Variants in RBFOX1 observed in about 807,000 individuals in gnomAD.
The protein encoded by RBFOX1 is RNA binding fox-1 homolog 1.
Under a neutral mutation model 57.7 loss-of-function variants are expected in RBFOX1, and 8 were observed. The ratio of observed to expected loss-of-function variants is 0.14; its 90% CI spans 0.08 to 0.25. RBFOX1 has a LOEUF of 0.25. Ranked by LOEUF, RBFOX1 falls within the 10% of genes least tolerant of loss-of-function variation. RBFOX1 has a pLI of 1.00. For missense variants in RBFOX1, 611 were observed against 548.5 expected, an observed-to-expected ratio of 1.11 and a Z score of -1.14; for synonymous variants, 326 against 222.4, an observed-to-expected ratio of 1.47 and a Z score of -4.15.
chr16:7,158,343 C>T (rs768909227), intron 4 of RBFOX1, among the ~76,000 whole-genome samples: 37 of 151,984 alleles, frequency 2.4e-4, no homozygotes, highest in Non-Finnish European at 4.3e-4. Context: ...TGAACTCTGT[C>T]TCAAAAGAAA....
intron 3 of RBFOX1, among the ~76,000 whole-genome samples, chr16:5,843,543 C>G (rs1161912392): frequency 1.3e-5 from 2 of 152,144 alleles, no homozygotes; most frequent in African/African-American, 4.8e-5. Context: ...TCTTTGTCTA[C>G]TCTGCCATTA....
chr16:7,604,468 C>T (rs2095200456), intron 9 of RBFOX1, among the ~76,000 whole-genome samples: 1 of 152,194 alleles, frequency 6.6e-6, no homozygotes, highest in South Asian at 2.1e-4. Flanking sequence ...TGAGATAGCA[C>T]AGATCTCCTG....
At chr16:6,603,219 G>C (rs12929223) in intron 2 of RBFOX1, among the ~76,000 whole-genome samples, 10,593 of 152,120 alleles carry the variant, frequency 0.07, 518 homozygotes, top group Non-Finnish European at 0.097. Context: ...CTTGTCTCAG[G>C]GCCAAGTATA....
chr16:5,583,178 C>A (rs1367089594), intron 2 of RBFOX1, among the ~76,000 whole-genome samples: 2 of 152,160 alleles, frequency 1.3e-5, no homozygotes, highest in Non-Finnish European at 2.9e-5. Context: ...ATGCCATGCG[C>A]AGCAAAAGCC....
At chr16:7,117,389 G>T (rs1278129988) in intron 4 of RBFOX1, among the ~76,000 whole-genome samples, 3 of 152,136 alleles carry the variant, frequency 2.0e-5, no homozygotes, top group South Asian at 2.1e-4. Context: ...GGATGTGAAG[G>T]GAAGCAACAT....
At chr16:7,204,300 C>G (rs1050189053) in intron 4 of RBFOX1, among the ~76,000 whole-genome samples, 16 of 152,174 alleles carry the variant, frequency 1.1e-4, no homozygotes, top group Admixed American at 8.5e-4. Flanking sequence ...CCATTTTAAT[C>G]TGAGGGAGGA....
intron 2 of RBFOX1, among the ~76,000 whole-genome samples, chr16:6,331,105 G>C (rs1033265499): frequency 3.9e-5 from 6 of 152,182 alleles, no homozygotes; most frequent in Non-Finnish European, 7.4e-5. Context: ...TCTGGCTACT[G>C]TGTTGAAGAA....
rs114678526 is a variant in RBFOX1, at chr16:6,928,462, G to A, written c.-15-123595G>A. Among the ~76,000 whole-genome samples, 1,311 of 152,236 alleles carry A rather than the reference G, an allele frequency of 8.6e-3. 26 individuals carry two copies. Among genetic ancestry groups the A allele is most frequent in the African/African-American group, 0.03 (1,247 of 41,512 alleles). ...GCCAAGAGCTCAGGACATGCTTGAG[G>A]AAAGAACGTTCAACTCAGAAATAAG... On this transcript the variant is annotated intron_variant, in intron 3 of 15. Coordinates refer to ENST00000550418, the MANE Select transcript of RBFOX1 (RefSeq NM_018723.4).
intron 1 of RBFOX1, among the ~76,000 whole-genome samples, chr16:5,319,111 A>G (rs1212871647): frequency 1.3e-5 from 2 of 151,458 alleles, no homozygotes; most frequent in African/African-American, 4.9e-5. Context: ...TGGGCAACAG[A>G]GTAAGACTCT....
At chr16:6,294,514 C>G (rs1020019593) in intron 1 of RBFOX1, among the ~76,000 whole-genome samples, 2 of 152,168 alleles carry the variant, frequency 1.3e-5, no homozygotes, top group African/African-American at 4.8e-5. Context: ...ACAGGCTTAG[C>G]TCAGAGTTTC....
At chr16:7,591,428 T>C (rs1294533546) in intron 7 of RBFOX1, among the ~76,000 whole-genome samples, 2 of 151,804 alleles carry the variant, frequency 1.3e-5, no homozygotes, top group Non-Finnish European at 1.5e-5. Context: ...TTTGCATGAA[T>C]GCAAAAAAGG....
chr16:7,705,500 C>T (rs2082147017), intron 14 of RBFOX1, among the ~76,000 whole-genome samples: 1 of 152,046 alleles, frequency 6.6e-6, no homozygotes, highest in Non-Finnish European at 1.5e-5. Flanking sequence ...GCAAGACCAA[C>T]TCAAAAAAAT....
At chr16:5,788,939 C>G (rs77376263) in intron 3 of RBFOX1, among the ~76,000 whole-genome samples, 5,633 of 152,216 alleles carry the variant, frequency 0.037, 333 homozygotes, top group African/African-American at 0.13. Flanking sequence ...AAGATAGAAG[C>G]CTCTTTCAAG....
intron 4 of RBFOX1, among the ~76,000 whole-genome samples, chr16:7,093,566 A>C (rs1212303166): frequency 6.6e-6 from 1 of 152,190 alleles, no homozygotes; most frequent in African/African-American, 2.4e-5. Context: ...ATGGACCCTC[A>C]TGAACATCTC....
At chr16:6,854,472 G>T (rs574810038) in intron 3 of RBFOX1, among the ~76,000 whole-genome samples, 3 of 152,152 alleles carry the variant, frequency 2.0e-5, no homozygotes, top group South Asian at 2.1e-4. Context: ...CTTGAGGGCT[G>T]CCAGAAATAG....
At chr16:6,485,186 T>A (rs896216918) in intron 2 of RBFOX1, among the ~76,000 whole-genome samples, 2 of 152,206 alleles carry the variant, frequency 1.3e-5, no homozygotes, top group Admixed American at 6.5e-5. Context: ...TCCAGGCTTT[T>A]CATTTAAAAA....
intron 3 of RBFOX1, among the ~76,000 whole-genome samples, chr16:6,819,195 G>A (rs541995563): frequency 1.3e-5 from 2 of 152,224 alleles, no homozygotes; most frequent in Admixed American, 6.5e-5. Flanking sequence ...CTAACATTCT[G>A]TTTATTTCCG....
At chr16:7,435,721 G>C (rs144625313) in intron 4 of RBFOX1, among the ~76,000 whole-genome samples, 24 of 152,274 alleles carry the variant, frequency 1.6e-4, no homozygotes, top group African/African-American at 5.3e-4. Flanking sequence ...CCTTCAGGTG[G>C]GCTTAGTTGC....
At chr16:7,071,407 C>T (rs1223007279) in intron 4 of RBFOX1, among the ~76,000 whole-genome samples, 1 of 152,060 alleles carries the variant, frequency 6.6e-6, no homozygotes, top group Non-Finnish European at 1.5e-5. Context: ...ATTACCCCTC[C>T]TAGCCTCCTA....
Sources: gnomAD v4.1 joint callset for allele counts (sites outside exome capture counted in the v4.1 genomes callset) on GRCh38, gnomAD v4.1.1 for gene constraint, MANE v1.5 for transcripts, NCBI Gene and HGNC (gene_info 2026-07-23, HGNC 2026-07-21) for gene names.